Variants in TLR8 observed in about 807,000 individuals in gnomAD.
TLR8 encodes the protein toll-like receptor 8.
A neutral mutation model predicts 18.5 loss-of-function variants in TLR8; 5 were observed. The observed-to-expected ratio is 0.27, with a 90% CI of 0.14 to 0.57. The LOEUF is 0.57. TLR8 is among the 20% of genes least tolerant of loss of function. The pLI is 0.92. For synonymous variants in TLR8, 299 were observed against 300.1 expected (o/e 1.00, Z 0.04); for missense variants, 543 against 769.8 (o/e 0.71, Z 3.49).
Position 12,921,968 on chromosome X carries a change from A to G in TLR8, c.2928A>G (p.Ile976Met). Residue 976 changes from isoleucine to methionine, a missense_variant, in exon 2 of 2, where the codon ATA (isoleucine) becomes ATG (methionine). This residue lies in a region of TLR8 where 227 missense variants were observed against 312.9 expected (regional missense o/e 0.73). Transcript: ENST00000218032. Reference sequence around the variant, plus strand: ...TGGATGAGAACATGGATGTGATTATATTTATCCTGCTGGAGCCAGTGTTAC... The same window carrying G: ...TGGATGAGAACATGGATGTGATTATGTTTATCCTGCTGGAGCCAGTGTTAC... ...RLMDENMDVI[I>M]FILLEPVLQH... 1 of 1,211,361 alleles carries G rather than the reference A, an allele frequency of 8.3e-7. No homozygotes were observed. Among genetic ancestry groups the G allele is most frequent in the Non-Finnish European group, 1.1e-6 (1 of 895,289 alleles).
At position 12,921,031 on chromosome X, in the gene TLR8, C is replaced by A. The variant is rs148772263; in HGVS notation, c.1991C>A (p.Ala664Glu). ...AATGAAGCATTCCTTAATTTGCCAG[C>A]GAGTCTCACTGAACTACATATAAAT... ...IPNEAFLNLP[A>E]SLTELHINDN... The change falls in exon 2 of 2, where the codon GCG (alanine) becomes GAG (glutamate). Residue 664 changes from alanine to glutamate, a missense_variant. Coordinates refer to ENST00000218032, the MANE Select transcript of TLR8 (RefSeq NM_138636.5). 25 of 1,208,388 alleles carry A rather than the reference C, an allele frequency of 2.1e-5. No homozygotes were observed. The South Asian group carries it at 4.2e-4, about 20-fold the overall frequency.
chrX:12,916,854 T>C (rs5744067), intron 1 of TLR8, among the ~76,000 whole-genome samples: 21,524 of 109,858 alleles, frequency 0.2, 2,084 homozygotes, highest in East Asian at 0.75. Context: ...TTCCTTGCAG[T>C]TGTTGTTCGA....
chrX:12,917,463 A>C (rs1378028699), intron 1 of TLR8, among the ~76,000 whole-genome samples: 1 of 112,289 alleles, frequency 8.9e-6, no homozygotes, highest in Admixed American at 9.4e-5. Context: ...CACCGGCCCT[A>C]AATTTTAGGA....
intron 1 of TLR8, among the ~76,000 whole-genome samples, chrX:12,914,994 T>C (rs2043045148): frequency 8.9e-6 from 1 of 111,995 alleles, no homozygotes; most frequent in African/African-American, 3.2e-5. Flanking sequence ...AGAGAGTCCA[T>C]TTTAAGTGTT....
At chrX:12,914,870 T>A (rs2043044256) in intron 1 of TLR8, among the ~76,000 whole-genome samples, 1 of 111,410 alleles carries the variant, frequency 9.0e-6, no homozygotes, top group African/African-American at 3.3e-5. Context: ...GAGACGTTGG[T>A]AATAGGACAC....
In TLR8 at chrX:12,920,997, C is replaced by A. The variant is rs752498502; in HGVS notation, c.1957C>A (p.His653Asn). ...RLDLSLNRLK[H>N]IPNEAFLNLP... ...GGATTTATCCCTTAATAGGCTGAAG[C>A]ACATCCCAAATGAAGCATTCCTTAA... Residue 653 changes from histidine to asparagine, a missense_variant, in exon 2 of 2, where the codon CAC (histidine) becomes AAC (asparagine). By Grantham distance (68) the His-to-Asn change is moderately conservative. Transcript: ENST00000218032. The A allele has an allele frequency of 7.6e-5, 92 of 1,209,048 alleles. No homozygotes were observed. The highest frequency in any genetic ancestry group is 1.0e-4 in the Non-Finnish European group (92 of 894,354).
intron 1 of TLR8, chrX:12,910,433 G>A (rs1365329480): frequency 8.6e-7 from 1 of 1,167,605 alleles, no homozygotes; most frequent in South Asian, 1.9e-5. Flanking sequence ...TGGGAAAGGA[G>A]ACTAAAAAGG....
intron 1 of TLR8, among the ~76,000 whole-genome samples, chrX:12,916,423 C>A (rs1224377524): frequency 2.7e-5 from 3 of 111,687 alleles, no homozygotes; most frequent in Non-Finnish European, 5.6e-5. Flanking sequence ...ATCACACAGG[C>A]TGAGATCTGC....
In TLR8 at chrX:12,911,112, C is replaced by A. The variant is rs1277549941; in HGVS notation, c.3+4403C>A. On this transcript the variant is annotated intron_variant, in intron 1 of 1. Coordinates refer to ENST00000218032, the MANE Select transcript of TLR8 (RefSeq NM_138636.5). ...AGCTCAAGGGCATGCCAGGCAAAGG[C>A]CTTTTTTCTGGCAGCTTGAACTTGT... Among the ~76,000 whole-genome samples the A allele has an allele frequency of 2.2e-4, 25 of 111,321 alleles. No individual in the cohort carries two copies. The Admixed American group carries it at 2.4e-3, about 11-fold the overall frequency.
chrX:12,915,556 C>T (rs980999532), intron 1 of TLR8, among the ~76,000 whole-genome samples: 11 of 112,691 alleles, frequency 9.8e-5, no homozygotes, highest in Non-Finnish European at 1.7e-4. Context: ...GTCCACAGAA[C>T]ATAGTGACAT....
At chrX:12,908,398 A>G (rs2042999494) in intron 1 of TLR8, 1 of 112,572 alleles carries the variant, frequency 8.9e-6, no homozygotes, top group Non-Finnish European at 1.9e-5. Flanking sequence ...ATAAAATCAA[A>G]TTAAACTTGC....
rs1292024904 is a variant in TLR8 at position 12,920,311 on chromosome X, A to G, written c.1271A>G (p.Tyr424Cys). 17 of 1,208,424 alleles carry G rather than the reference A, an allele frequency of 1.4e-5. No homozygotes were observed. The highest frequency in any genetic ancestry group is 1.9e-5 in the Non-Finnish European group (17 of 894,525). Residue 424 changes from tyrosine (Y) to cysteine (C), a missense_variant, in exon 2 of 2, where the codon TAC (tyrosine) becomes TGC (cysteine). By Grantham distance (194) the Tyr-to-Cys change is radical. Around this residue, in one of 4 missense-constraint regions of TLR8, gnomAD observed 185 missense variants for 298.9 expected, o/e 0.62. Coordinates refer to ENST00000218032, the MANE Select transcript of TLR8 (RefSeq NM_138636.5). The stretch of plus-strand genomic sequence containing the variant: ...AATTTCTCCAATCTGGAAATTATTT[A>G]CTTGTCAGAAAACAGAATATCACCG... ...FQNFSNLEII[Y>C]LSENRISPLV...
rs774325059 is a variant in TLR8 at position 12,921,351 on chromosome X, G to A, written c.2311G>A (p.Gly771Arg). 75 of 1,209,989 alleles carry A rather than the reference G, an allele frequency of 6.2e-5. No homozygotes were observed. Among genetic ancestry groups the A allele is most frequent in the Middle Eastern group, 2.3e-4 (1 of 4,377 alleles). ...CAAATTATCTATGTTGGAACTACAC[G>A]GAAACCCCTTTGAATGCACCTGTGA... ...TTKLSMLELH[G>R]NPFECTCDIG... Residue 771 changes from glycine to arginine, a missense_variant, in exon 2 of 2, where the codon GGA (glycine) becomes AGA (arginine). Around this residue, in one of 4 missense-constraint regions of TLR8, gnomAD observed 227 missense variants for 312.9 expected, o/e 0.73. Coordinates refer to ENST00000218032, the MANE Select transcript of TLR8 (RefSeq NM_138636.5).
At chrX:12,912,061 A>T (rs1214920843) in intron 1 of TLR8, among the ~76,000 whole-genome samples, 2 of 107,498 alleles carry the variant, frequency 1.9e-5, no homozygotes, top group African/African-American at 6.8e-5. Flanking sequence ...GTGCTCTCTC[A>T]CTCTTTCTTT....
At chrX:12,916,960 T>C (rs981717276) in intron 1 of TLR8, among the ~76,000 whole-genome samples, 1 of 111,384 alleles carries the variant, frequency 9.0e-6, no homozygotes. Context: ...CATTCCTTGT[T>C]GTGGGGCCGC....
In TLR8 at chrX:12,921,781, T is replaced by A. The variant is rs774857349; in HGVS notation, c.2741T>A (p.Leu914His). ...GAAGAGAGCCGAGACAAAAACGTTC[T>A]CCTTTGTCTAGAGGAGAGGGATTGG... ...HLEESRDKNV[L>H]LCLEERDWDP... The change falls in exon 2 of 2, where the codon CTC becomes CAC. Residue 914 changes from leucine (L) to histidine (H), a missense_variant. By Grantham distance (99) the Leu-to-His change is moderately conservative. Transcript: ENST00000218032. 18 of 1,209,778 alleles carry A rather than the reference T, an allele frequency of 1.5e-5. No individual in the cohort carries two copies. Among genetic ancestry groups the A allele is most frequent in the Non-Finnish European group, 1.9e-5 (17 of 895,044 alleles).
chrX:12,906,970 G>A (rs2042989072), intron 1 of TLR8, among the ~76,000 whole-genome samples: 1 of 112,216 alleles, frequency 8.9e-6, no homozygotes, highest in Non-Finnish European at 1.9e-5. Context: ...ATTTGGACAG[G>A]AAAATAAGAA....
Position 12,919,592 on chromosome X carries a change from CAA to C in TLR8, c.554_555del (p.Lys185SerfsTer6). 8.3e-7 allele frequency: 1 copy of C among 1,208,430 alleles called. No homozygotes were observed. Among genetic ancestry groups the C allele is most frequent in the Non-Finnish European group, 1.1e-6 (1 of 894,320 alleles). On this transcript the variant is annotated frameshift_variant, in exon 2 of 2. Transcript: ENST00000218032. LOFTEE classifies it low-confidence loss of function (END_TRUNC). ...ATTTGGCCTGGAACTGCTATTTTAA[CAA>C]AGTTTGCGAGAAAACTAACATAGAA... The part of the protein sequence containing the change: ...LYLAWNCYFN[K>X]VCEKTNIEDG...
rs942023200 is a variant in TLR8, at chrX:12,919,715, C to T, written c.675C>T (p.Arg225=). The T allele has an allele frequency of 1.7e-6, 2 of 1,208,666 alleles. No homozygotes were observed. Among genetic ancestry groups the T allele is most frequent in the African/African-American group, 3.5e-5 (2 of 57,037 alleles). The change falls in exon 2 of 2, where the codon CGC becomes CGT. Residue 225 remains arginine (R), a synonymous_variant. Transcript: ENST00000218032. ...CACCCAAACTGCCAAGCTCCCTACG[C>T]AAACTTTTTCTGAGCAACACCCAGA... ...HVPPKLPSSL[R]KLFLSNTQIK...
Sources: gnomAD v4.1 joint callset for allele counts (sites outside exome capture counted in the v4.1 genomes callset) on GRCh38, gnomAD v4.1.1 for gene constraint, gnomAD v4.1.1 regional missense constraint, MANE v1.5 for transcripts, NCBI Gene and HGNC (gene_info 2026-07-23, HGNC 2026-07-21) for gene names.